The following CEP164 variants were observed in gnomAD, a reference collection of about 807,000 sequenced individuals.
CEP164 encodes the protein centrosomal protein 164, also known as centrosomal protein of 164 kDa.
A neutral mutation model predicts 182.7 loss-of-function variants in CEP164; 162 were observed. The observed-to-expected ratio is 0.89, with a 90% CI of 0.78 to 1.01. The LOEUF (loss-of-function observed/expected upper bound fraction) is 1.01. Ranked by LOEUF, CEP164 falls within the 50% of genes least tolerant of loss-of-function variation. CEP164 has a pLI of 0.00. For synonymous variants in CEP164, 661 were observed against 690.0 expected (o/e 0.96, Z 0.66); for missense variants, 1,735 against 1,790.4 (o/e 0.97, Z 0.56).
chr11:117,405,358 A>G (rs2136773917), intron 27 of CEP164, among the ~76,000 whole-genome samples: 1 of 152,268 alleles, frequency 6.6e-6, no homozygotes, highest in South Asian at 2.1e-4. Flanking sequence ...GCCGGAATGC[A>G]CTGTCCCCCA....
chr11:117,380,237 T>G (rs1042969127), intron 11 of CEP164, among the ~76,000 whole-genome samples: 1 of 152,126 alleles, frequency 6.6e-6, no homozygotes, highest in African/African-American at 2.4e-5. Context: ...CTCTGTGGAT[T>G]TGGGGTACTC....
At chr11:117,379,819 A>G (rs1167299815) in intron 11 of CEP164, among the ~76,000 whole-genome samples, 3 of 151,440 alleles carry the variant, frequency 2.0e-5, no homozygotes, top group African/African-American at 7.3e-5. Context: ...GCTGGGTGAC[A>G]AAGTGAGACC....
At chr11:117,340,990 CT>C (rs1281819394) in intron 3 of CEP164, among the ~76,000 whole-genome samples, 1 of 152,130 alleles carries the variant, frequency 6.6e-6, no homozygotes, top group Non-Finnish European at 1.5e-5. Flanking sequence ...CCACACCCAG[CT>C]AATTTTTGTA....
Position 117,397,247 on chromosome 11 carries a change from G to C in CEP164, c.3435G>C (p.Ala1145=), listed in dbSNP as rs149964584. The change falls in exon 27 of 33, where the codon GCG becomes GCC. Residue 1145 remains alanine, a synonymous_variant. Transcript: ENST00000278935. ...ATTGGCGCCATGAGCTGGCCAGTGC[G>C]CAGGAGGTGGCCAAAGACCCACCAG... The part of the protein sequence containing the change: ...QQHWRHELAS[A]QEVAKDPPGI... The C allele has an allele frequency of 6.2e-7, 1 of 1,614,162 alleles. No homozygotes were observed. Among genetic ancestry groups the C allele is most frequent in the Non-Finnish European group, 8.5e-7 (1 of 1,180,030 alleles).
intron 11 of CEP164, among the ~76,000 whole-genome samples, chr11:117,377,223 T>G (rs545020175): frequency 1.3e-5 from 2 of 152,212 alleles, no homozygotes; most frequent in East Asian, 3.9e-4. Context: ...TAGATTCTCA[T>G]GAGGAGTGCG....
At chr11:117,369,850 A>G (rs2042022014) in intron 8 of CEP164, among the ~76,000 whole-genome samples, 1 of 152,206 alleles carries the variant, frequency 6.6e-6, no homozygotes, top group South Asian at 2.1e-4. Context: ...CTAGTCTTTA[A>G]AGTGAGGTTT....
upstream of CEP164, chr11:117,324,069 A>G (rs2035345757): frequency 8.6e-6 from 2 of 232,620 alleles, no homozygotes; most frequent in Non-Finnish European, 9.1e-6. Flanking sequence ...TGACCCCTAA[A>G]TGTTCATCCT....
At chr11:117,344,919 C>G (rs2038672512) in intron 4 of CEP164, among the ~76,000 whole-genome samples, 1 of 151,254 alleles carries the variant, frequency 6.6e-6, no homozygotes, top group Non-Finnish European at 1.5e-5. Flanking sequence ...CAGAGCGAGA[C>G]TCCATCTCAA....
chr11:117,348,678 G>T lies in CEP164; in HGVS notation c.195-3112G>T, dbSNP rs558382219. Among the ~76,000 whole-genome samples the T allele has an allele frequency of 4.6e-5, 7 of 152,140 alleles. No homozygotes were observed. The South Asian group carries it at 1.5e-3, about 32-fold the overall frequency. ...TTACCATTTTAAGCATTTTTGAGTG[G>T]ACATTTCAGCAGCATTAAGTACATT... On this transcript the variant is annotated intron_variant, in intron 4 of 32. Transcript: ENST00000278935.
Position 117,400,608 on chromosome 11 carries a change from G to A in CEP164, c.3501+3295G>A, listed in dbSNP as rs574137048. On this transcript the variant is annotated intron_variant, in intron 27 of 32. Transcript: ENST00000278935. ...GTCATTTTCACAATATTGATTCTTC[G>A]TATCCATGAGCATGGAATGTTTTTC... 3.0e-3 allele frequency among the ~76,000 whole-genome samples: 454 copies of A among 152,126 alleles called. 1 individual carries two copies. The highest frequency in any genetic ancestry group is 5.4e-3 in the Non-Finnish European group (364 of 67,960).
intron 14 of CEP164, among the ~76,000 whole-genome samples, chr11:117,384,036 CAAAT>C (rs1185918284): frequency 1.3e-5 from 2 of 152,170 alleles, no homozygotes; most frequent in Non-Finnish European, 1.5e-5. Flanking sequence ...AACTCTGTCT[CAAAT>C]AAAAACACTA....
At chr11:117,388,267 C>A (rs1490415061) in intron 15 of CEP164, among the ~76,000 whole-genome samples, 1 of 152,200 alleles carries the variant, frequency 6.6e-6, no homozygotes, top group African/African-American at 2.4e-5. Context: ...CTCCAGAGGC[C>A]CTCTTAGGTT....
chr11:117,356,022 A>ACAG (rs1458692973), intron 5 of CEP164: 29 of 826,282 alleles, frequency 3.5e-5, no homozygotes, highest in Admixed American at 1.5e-4. Context: ...AGCAGCAGCA[A>ACAG]CAGCAACCTG....
At chr11:117,383,055 G>C in intron 14 of CEP164, 113 bp downstream of exon 14, 1 of 1,204,732 alleles carries the variant, frequency 8.3e-7, no homozygotes, top group Non-Finnish European at 1.1e-6. Context: ...CCAAGGGTTA[G>C]AGTGTAGGGA....
In CEP164 at chr11:117,397,415, C is replaced by G. The variant is rs1402064452; in HGVS notation, c.3501+102C>G. On this transcript the variant is annotated intron_variant, in intron 27 of 32. Coordinates refer to ENST00000278935, the MANE Select transcript of CEP164 (RefSeq NM_014956.5). ...CCCCCTCAGTTGGTCATTCTCGGGA[C>G]TCCATGAGAGTGGCCACCTTGGCCC... 5 of 1,167,110 alleles carry G rather than the reference C, an allele frequency of 4.3e-6. No individual in the cohort carries two copies. In the Admixed American group the frequency reaches 1.3e-4, roughly 30 times the overall value. 72.3% of individuals were successfully genotyped at this position (1,167,110 alleles called of 1,614,324 possible).
At position 117,375,837 on chromosome 11, in the gene CEP164, T is replaced by A. The variant is rs756704244; in HGVS notation, c.1317+46T>A. On this transcript the variant is annotated intron_variant, in intron 11 of 32. Transcript: ENST00000278935. The stretch of plus-strand genomic sequence containing the variant: ...GGCTGAGCTGGGGCCTCATTTTCCC[T>A]CACAACTTTTTCGGATGACCCAGAA... 2.5e-6 allele frequency: 4 copies of A among 1,577,778 alleles called. No individual in the cohort carries two copies. The Admixed American group carries it at 6.7e-5, about 26-fold the overall frequency.
At chr11:117,346,186 C>G (rs2038864571) in intron 4 of CEP164, among the ~76,000 whole-genome samples, 1 of 152,150 alleles carries the variant, frequency 6.6e-6, no homozygotes, top group South Asian at 2.1e-4. Flanking sequence ...AGCTGCATAC[C>G]AGCTTTTATG....
At chr11:117,378,041 G>A (rs1349109347) in intron 11 of CEP164, among the ~76,000 whole-genome samples, 1 of 147,272 alleles carries the variant, frequency 6.8e-6, no homozygotes, top group African/African-American at 2.5e-5. Flanking sequence ...TTTTTTTTTT[G>A]TATTTTTAGT....
At chr11:117,380,767 A>G in intron 12 of CEP164, 62 bp downstream of exon 12, 2 of 1,487,034 alleles carry the variant, frequency 1.3e-6, no homozygotes, top group Non-Finnish European at 1.8e-6. Context: ...ACTTGGGCAG[A>G]ATTCTTGGCT....
Sources: allele counts gnomAD v4.1 joint callset (sites outside exome capture counted in the v4.1 genomes callset), GRCh38; gene constraint gnomAD v4.1.1; transcripts MANE v1.5; gene names NCBI Gene and HGNC (gene_info 2026-07-23, HGNC 2026-07-21).